Variants in CNTN3 observed in about 807,000 individuals in gnomAD.
CNTN3 encodes contactin 3.
CNTN3 carries 60 observed loss-of-function variants against 119.1 expected under a neutral mutation model. That is an observed-to-expected ratio of 0.50 (90% CI 0.41 to 0.62). The LOEUF is 0.62. CNTN3 is among the 20% of genes least tolerant of loss of function. The probability of loss-of-function intolerance (pLI) is 0.00; values close to 1 mark genes in which losing one functional copy is unlikely to be tolerated. For synonymous variants in CNTN3, 450 were observed against 438.7 expected (o/e 1.03, Z -0.32); for missense variants, 1,101 against 1,242.4 (o/e 0.89, Z 1.71).
In CNTN3 at chr3:74,385,692, T is replaced by C. The variant is rs572765509; in HGVS notation, c.455-14293A>G. On this transcript the variant is annotated intron_variant, in intron 5 of 22. Coordinates refer to ENST00000263665, the MANE Select transcript of CNTN3 (RefSeq NM_020872.3). Reference sequence around the variant, plus strand: ...TGCCAACCTGTGGGATGTGAATTCTTTGGGGTCTGTGGAATTTCCACAAGG... The same window carrying C: ...TGCCAACCTGTGGGATGTGAATTCTCTGGGGTCTGTGGAATTTCCACAAGG... Among the ~76,000 whole-genome samples, 45 of 152,296 alleles carry C rather than the reference T, an allele frequency of 3.0e-4. 1 individual carries two copies. The highest frequency in any genetic ancestry group is 5.4e-4 in the Non-Finnish European group (37 of 68,016).
chr3:74,430,549 C>T (rs1357685884), intron 4 of CNTN3, among the ~76,000 whole-genome samples: 1 of 151,998 alleles, frequency 6.6e-6, no homozygotes, highest in Non-Finnish European at 1.5e-5. Context: ...TAGAGACCAG[C>T]CTGGGCAATA....
intron 11 of CNTN3, among the ~76,000 whole-genome samples, chr3:74,344,145 G>T (rs1454912719): frequency 2.0e-5 from 3 of 152,210 alleles, no homozygotes; most frequent in African/African-American, 7.2e-5. Flanking sequence ...TGAAATGTTG[G>T]TGCTTTGTAC....
At chr3:74,338,478 G>GT (rs1404736987) in intron 11 of CNTN3, among the ~76,000 whole-genome samples, 1 of 140,766 alleles carries the variant, frequency 7.1e-6, no homozygotes, top group Admixed American at 7.3e-5. Context: ...ACATATGTGC[G>GT]TATGTGTACA....
At chr3:74,418,138 A>G (rs1450525940) in intron 5 of CNTN3, among the ~76,000 whole-genome samples, 1 of 152,056 alleles carries the variant, frequency 6.6e-6, no homozygotes, top group Admixed American at 6.6e-5. Context: ...GAAGCAGTCT[A>G]CACACATTGA....
intron 5 of CNTN3, among the ~76,000 whole-genome samples, chr3:74,389,577 G>C (rs956725924): frequency 6.6e-6 from 1 of 152,160 alleles, no homozygotes; most frequent in Admixed American, 6.5e-5. Context: ...CGTGTCATGT[G>C]TTATCTTACT....
intron 13 of CNTN3, among the ~76,000 whole-genome samples, chr3:74,319,724 C>T (rs996516699): frequency 6.6e-6 from 1 of 151,640 alleles, no homozygotes; most frequent in African/African-American, 2.4e-5. Flanking sequence ...TCAGAGTGAA[C>T]AGGCACCCTA....
intron 4 of CNTN3, among the ~76,000 whole-genome samples, chr3:74,433,524 T>C (rs944669022): frequency 1.3e-5 from 2 of 152,188 alleles, no homozygotes; most frequent in African/African-American, 4.8e-5. Context: ...TCAGGATCTG[T>C]TGTTTTGTTC....
intron 11 of CNTN3, among the ~76,000 whole-genome samples, 154 bp from the exon 12 acceptor site, chr3:74,336,812 AG>A (rs1292165153): frequency 6.6e-6 from 1 of 151,810 alleles, no homozygotes; most frequent in Non-Finnish European, 1.5e-5. Flanking sequence ...AAAAAAAAAA[AG>A]AAAATTCACC....
At chr3:74,501,662 A>G (rs1336106616) in intron 2 of CNTN3, among the ~76,000 whole-genome samples, 1 of 152,124 alleles carries the variant, frequency 6.6e-6, no homozygotes, top group African/African-American at 2.4e-5. Flanking sequence ...GCAACTTTGC[A>G]CCACGACATC....
intron 4 of CNTN3, among the ~76,000 whole-genome samples, chr3:74,438,917 A>G (rs957607651): frequency 3.3e-4 from 50 of 152,188 alleles, no homozygotes; most frequent in African/African-American, 1.1e-3. Flanking sequence ...AAAAATATTG[A>G]ACACAGAATC....
Position 74,424,831 on chromosome 3 carries a change from A to G in CNTN3, c.454+14T>C. On this transcript the variant is annotated intron_variant, in intron 5 of 22. Transcript: ENST00000263665. The stretch of plus-strand genomic sequence containing the variant: ...CTTAATAAATATGAAAAGCAGAAAC[A>G]GAGCATGACTTACCTCCAGAGTGTG... The G allele has an allele frequency of 6.2e-7, 1 of 1,610,250 alleles. No homozygotes were observed. Among genetic ancestry groups the G allele is most frequent in the Non-Finnish European group, 8.5e-7 (1 of 1,176,788 alleles).
chr3:74,595,067 A>G (rs183018878), intron 1 of CNTN3, among the ~76,000 whole-genome samples: 32,831 of 151,494 alleles, frequency 0.22, 5,553 homozygotes, highest in African/African-American at 0.46. Flanking sequence ...GCATTTTTTC[A>G]TGTGTCTTTT....
chr3:74,285,190 TATATAATCTAGTGAG>T, intron 20 of CNTN3, 100 bp downstream of exon 20: 1 of 1,150,172 alleles, frequency 8.7e-7, no homozygotes, highest in Non-Finnish European at 1.2e-6. Flanking sequence ...GAGTTAGGTT[TATATAATCTAGTGAG>T]ATTAATGACT....
intron 13 of CNTN3, among the ~76,000 whole-genome samples, chr3:74,328,059 C>G (rs1249441243): frequency 1.3e-5 from 2 of 151,350 alleles, no homozygotes; most frequent in African/African-American, 2.4e-5. Context: ...TTTTTATTAA[C>G]CAAATTTTGC....
Position 74,521,168 on chromosome 3 carries a change from T to A in CNTN3, c.-56A>T. On this transcript the variant is annotated 5_prime_UTR_variant, in exon 2 of 23. The change creates a new upstream start codon in the 5' untranslated region. Coordinates refer to ENST00000263665, the MANE Select transcript of CNTN3 (RefSeq NM_020872.3). ...GTCCAGTCTCTGATGAATAGAATGC[T>A]TTCTCTTCAGGTAAATCCTTTAATC... 14 of 1,005,940 alleles carry A rather than the reference T, an allele frequency of 1.4e-5. No homozygotes were observed. Among genetic ancestry groups the A allele is most frequent in the African/African-American group, 1.6e-5 (1 of 60,904 alleles). The allele number at this position is 1,005,940 out of a possible 1,614,324, so 62.3% of individuals were successfully genotyped here.
At chr3:74,505,525 C>A (rs1361259244) in intron 2 of CNTN3, among the ~76,000 whole-genome samples, 2 of 119,730 alleles carry the variant, frequency 1.7e-5, no homozygotes, top group African/African-American at 5.7e-5. Flanking sequence ...ACACACACAC[C>A]ACACATACAC....
At chr3:74,602,467 T>C (rs1704927502) in intron 1 of CNTN3, among the ~76,000 whole-genome samples, 1 of 152,022 alleles carries the variant, frequency 6.6e-6, no homozygotes, top group South Asian at 2.1e-4. Context: ...AGCTAATTCA[T>C]GTGGGTAAAT....
At chr3:74,308,047 C>T (rs1301917816) in intron 13 of CNTN3, among the ~76,000 whole-genome samples, 1 of 152,126 alleles carries the variant, frequency 6.6e-6, no homozygotes, top group Non-Finnish European at 1.5e-5. Context: ...GCCTTGAAAA[C>T]AGTCGAACCT....
chr3:74,534,008 A>T (rs1423313664), intron 1 of CNTN3, among the ~76,000 whole-genome samples: 2 of 152,070 alleles, frequency 1.3e-5, no homozygotes, highest in Non-Finnish European at 2.9e-5. Context: ...TCAAGGTGAG[A>T]ATCCCAACTT....
Sources: gnomAD v4.1 joint callset for allele counts (sites outside exome capture counted in the v4.1 genomes callset) on GRCh38, gnomAD v4.1.1 for gene constraint, MANE v1.5 for transcripts, NCBI Gene and HGNC (gene_info 2026-07-23, HGNC 2026-07-21) for gene names.